TRAF3: variants seen among roughly 807,000 people sequenced by gnomAD.
The protein encoded by TRAF3 is TNF receptor associated factor 3.
Under a neutral mutation model 62.3 loss-of-function variants are expected in TRAF3, and 13 were observed. That is an observed-to-expected ratio of 0.21 (90% CI 0.14 to 0.33). The LOEUF is 0.33. TRAF3 is among the 10% of genes least tolerant of loss of function. The pLI, the probability that TRAF3 is intolerant of heterozygous loss-of-function variation, is 1.00. For missense variants in TRAF3, 440 were observed against 741.8 expected, an observed-to-expected ratio of 0.59 and a Z score of 4.73; for synonymous variants, 269 against 283.4, an observed-to-expected ratio of 0.95 and a Z score of 0.51.
At chr14:102,786,761 GA>G (rs1349030658) in intron 1 of TRAF3, among the ~76,000 whole-genome samples, 1 of 152,154 alleles carries the variant, frequency 6.6e-6, no homozygotes. Context: ...GAGGCGGGGG[GA>G]TCGCTTGAAT....
intron 2 of TRAF3, among the ~76,000 whole-genome samples, chr14:102,863,702 G>T (rs1887810190): frequency 6.6e-6 from 1 of 152,140 alleles, no homozygotes; most frequent in Non-Finnish European, 1.5e-5. Context: ...TTCTTCCCAA[G>T]CTTTTGGTTA....
chr14:102,806,504 A>G (rs963354526), intron 1 of TRAF3, among the ~76,000 whole-genome samples: 7 of 152,218 alleles, frequency 4.6e-5, no homozygotes, highest in African/African-American at 1.7e-4. Context: ...GTGGTTCCCA[A>G]GTTCCCCAAA....
chr14:102,786,737 C>A (rs1479042185), intron 1 of TRAF3, among the ~76,000 whole-genome samples: 1 of 152,140 alleles, frequency 6.6e-6, no homozygotes, highest in Non-Finnish European at 1.5e-5. Flanking sequence ...ATAGTCCCAG[C>A]ACTTTGAGAG....
At chr14:102,852,076 GAAAAA>G (rs937063752) in intron 2 of TRAF3, among the ~76,000 whole-genome samples, 3 of 151,138 alleles carry the variant, frequency 2.0e-5, no homozygotes, top group African/African-American at 7.3e-5. Context: ...AACCTCAAAA[GAAAAA>G]AAAGAAAAGA....
At chr14:102,891,865 C>T (rs965450250) in intron 9 of TRAF3, among the ~76,000 whole-genome samples, 3 of 152,116 alleles carry the variant, frequency 2.0e-5, no homozygotes, top group Non-Finnish European at 4.4e-5. Context: ...AATAAGTTTG[C>T]CAGCCCGGAC....
intron 9 of TRAF3, among the ~76,000 whole-genome samples, chr14:102,896,351 T>C (rs1890008778): frequency 6.6e-6 from 1 of 152,156 alleles, no homozygotes; most frequent in South Asian, 2.1e-4. Flanking sequence ...CATTCCCTGC[T>C]TCTGTGAGCT....
intron 1 of TRAF3, among the ~76,000 whole-genome samples, chr14:102,782,138 C>T (rs1897298275): frequency 6.6e-6 from 1 of 152,032 alleles, no homozygotes; most frequent in Non-Finnish European, 1.5e-5. Flanking sequence ...AGGGTTTCGC[C>T]ATGTTGGCCA....
chr14:102,862,532 G>A (rs1887741993), intron 2 of TRAF3, among the ~76,000 whole-genome samples: 1 of 151,928 alleles, frequency 6.6e-6, no homozygotes, highest in African/African-American at 2.4e-5. Context: ...CCTTGTACTT[G>A]AAGAGTCACT....
At position 102,826,020 on chromosome 14, in the gene TRAF3, G is replaced by A. The variant is rs1900288973; in HGVS notation, c.-156-4314G>A. 6.6e-6 allele frequency among the ~76,000 whole-genome samples: 1 copy of A among 152,214 alleles called. No homozygotes were observed. The highest frequency in any genetic ancestry group is 1.5e-5 in the Non-Finnish European group (1 of 68,034). On this transcript the variant is annotated intron_variant, in intron 1 of 11. Transcript: ENST00000392745. The surrounding 1 kb of genome is among the most constrained non-coding windows in gnomAD (Gnocchi z 4.6). The stretch of plus-strand genomic sequence containing the variant: ...TGTGTTCATTCATTCATATCTCACA[G>A]TAAGAGGGAAGGATGGGGGAGGAAG...
chr14:102,797,469 A>AGAGGAG (rs368657221), intron 1 of TRAF3, among the ~76,000 whole-genome samples: 2 of 151,926 alleles, frequency 1.3e-5, no homozygotes, highest in Non-Finnish European at 2.9e-5. Context: ...GGCAGGAGGA[A>AGAGGAG]GAGGAGGAGG....
intron 1 of TRAF3, among the ~76,000 whole-genome samples, chr14:102,800,385 C>G (rs1898322506): frequency 6.6e-6 from 1 of 152,208 alleles, no homozygotes; most frequent in South Asian, 2.1e-4. Flanking sequence ...AAGCACCGTG[C>G]AGGCTTTGGG....
intron 2 of TRAF3, among the ~76,000 whole-genome samples, chr14:102,844,891 AT>A (rs1290900375): frequency 5.3e-5 from 8 of 151,336 alleles, no homozygotes; most frequent in Non-Finnish European, 1.2e-4. Context: ...AAAAAAAAAA[AT>A]GTTGTTTTTG....
At chr14:102,801,727 A>T (rs568678835) in intron 1 of TRAF3, among the ~76,000 whole-genome samples, 1 of 152,128 alleles carries the variant, frequency 6.6e-6, no homozygotes, top group African/African-American at 2.4e-5. Context: ...TAATTAAAAA[A>T]ATTTTTTTTG....
rs757872536 is a variant in TRAF3, at chr14:102,903,525, T to C, written c.1135+96T>C. On this transcript the variant is annotated intron_variant, in intron 11 of 11. Transcript: ENST00000392745. The surrounding 1 kb of genome is among the most constrained non-coding windows in gnomAD (Gnocchi z 6.4). ...TGGGATGAGGGCTATGTTAGGTACA[T>C]GTGCCTTAGGACAGTTTTTTCTAAT... The C allele has an allele frequency of 6.5e-7, 1 of 1,549,600 alleles. No individual in the cohort carries two copies. Among genetic ancestry groups the C allele is most frequent in the East Asian group, 2.3e-5 (1 of 43,350 alleles).
Position 102,837,118 on chromosome 14 carries a change from T to TTG in TRAF3, c.-18+6670_-18+6671dup, listed in dbSNP as rs139388630. On this transcript the variant is annotated intron_variant, in intron 2 of 11. Coordinates refer to ENST00000392745, the MANE Select transcript of TRAF3 (RefSeq NM_145725.3). ...AGTAGCTAGAAATTAAGCAAGTAATTTGTGTGTGTGTGTGTGTGTGTGTGT... is the reference window on the plus strand; with the variant it reads ...AGTAGCTAGAAATTAAGCAAGTAATTTGTGTGTGTGTGTGTGTGTGTGTGTGT... Among the ~76,000 whole-genome samples, 443 of 78,364 alleles carry TTG rather than the reference T, an allele frequency of 5.7e-3. 3 individuals are homozygous for TTG. The highest frequency in any genetic ancestry group is 0.015 in the African/African-American group (188 of 12,822). The allele number at this position is 78,364 out of a possible 152,430, so 51.4% of individuals were successfully genotyped here.
chr14:102,858,021 G>A (rs2139765474), intron 2 of TRAF3, among the ~76,000 whole-genome samples: 1 of 152,254 alleles, frequency 6.6e-6, no homozygotes, highest in Admixed American at 6.5e-5. Context: ...AAAATGATCA[G>A]CAACGTTTTA....
chr14:102,897,197 ATAT>A (rs767377227), intron 9 of TRAF3, 61 bp from the exon 10 acceptor site: 13 of 1,462,492 alleles, frequency 8.9e-6, no homozygotes, highest in Admixed American at 3.7e-5. Context: ...AATTTAATTG[ATAT>A]TGTTGTTAAT....
At chr14:102,896,750 CTG>C (rs961524251) in intron 9 of TRAF3, among the ~76,000 whole-genome samples, 5 of 152,322 alleles carry the variant, frequency 3.3e-5, no homozygotes, top group African/African-American at 1.2e-4. Context: ...CTGAGAAACA[CTG>C]TTTATAGCAT....
chr14:102,902,988 G>A (rs1248622848), intron 10 of TRAF3: 11 of 511,030 alleles, frequency 2.2e-5, no homozygotes, highest in Non-Finnish European at 3.6e-5. Flanking sequence ...GACAAAGCAA[G>A]CTGACTTAGT....
Sources: allele counts gnomAD v4.1 joint callset (sites outside exome capture counted in the v4.1 genomes callset), GRCh38; gene constraint gnomAD v4.1.1; non-coding constraint Gnocchi (gnomAD v3.1); transcripts MANE v1.5; gene names NCBI Gene and HGNC (gene_info 2026-07-23, HGNC 2026-07-21).